PLXNA4: variants seen among roughly 807,000 people sequenced by gnomAD.
PLXNA4 encodes plexin-A4.
PLXNA4 carries 44 observed loss-of-function variants against 191.8 expected under a neutral mutation model. That is an observed-to-expected ratio of 0.23 (90% CI 0.18 to 0.29). The LOEUF is 0.29. Among genes scored for constraint, PLXNA4 ranks in the 10% least tolerant of loss-of-function variants. PLXNA4 has a pLI of 1.00. For synonymous variants in PLXNA4, 1,082 were observed against 1,009.5 expected, an observed-to-expected ratio of 1.07 and a Z score of -1.36; for missense variants, 1,800 against 2,488.8, an observed-to-expected ratio of 0.72 and a Z score of 5.89.
chr7:132,636,653 G>A (rs1028843346), intron 2 of PLXNA4, among the ~76,000 whole-genome samples: 11 of 152,134 alleles, frequency 7.2e-5, no homozygotes, highest in Non-Finnish European at 1.5e-4. Flanking sequence ...CCAGATTCAC[G>A]TAAAGCCTTG....
intron 3 of PLXNA4, among the ~76,000 whole-genome samples, chr7:132,312,815 G>C (rs776763680): frequency 2.0e-5 from 3 of 152,170 alleles, no homozygotes; most frequent in Non-Finnish European, 4.4e-5. Flanking sequence ...TGAGTTAGTA[G>C]ATGAAAAGCA....
intron 5 of PLXNA4, among the ~76,000 whole-genome samples, chr7:132,235,960 A>G (rs1034149979): frequency 1.1e-4 from 16 of 152,164 alleles, no homozygotes; most frequent in Admixed American, 9.2e-4. Context: ...CCACCTCAAT[A>G]CTTAGCATTG....
chr7:132,323,627 A>G (rs930462677), intron 3 of PLXNA4, among the ~76,000 whole-genome samples: 8 of 151,496 alleles, frequency 5.3e-5, no homozygotes, highest in Non-Finnish European at 1.0e-4. Context: ...TTCTGACACG[A>G]CTCTCCCAGG....
At chr7:132,203,186 A>G in intron 11 of PLXNA4, 137 bp downstream of exon 11, 3 of 750,972 alleles carry the variant, frequency 4.0e-6, no homozygotes, top group South Asian at 1.7e-5. Flanking sequence ...GAGGCTGTGA[A>G]GGAGGGGCTC....
At chr7:132,581,443 A>C (rs1194637573), upstream of PLXNA4, among the ~76,000 whole-genome samples, 1 of 152,134 alleles carries the variant, frequency 6.6e-6, no homozygotes, top group Admixed American at 6.5e-5. Context: ...CACCACTGAA[A>C]AACCCCTCCC....
intron 22 of PLXNA4, among the ~76,000 whole-genome samples, chr7:132,165,553 T>C (rs1796098235): frequency 6.6e-6 from 1 of 152,208 alleles, no homozygotes; most frequent in African/African-American, 2.4e-5. Flanking sequence ...CGGCCACACA[T>C]AGCTACTGAG....
chr7:132,393,269 A>G (rs1793596096), intron 3 of PLXNA4, among the ~76,000 whole-genome samples: 1 of 121,190 alleles, frequency 8.3e-6, no homozygotes, highest in South Asian at 2.8e-4. Context: ...CTAGGCTCCT[A>G]CAGAGGGTGA....
intron 3 of PLXNA4, among the ~76,000 whole-genome samples, chr7:132,371,093 G>C (rs111696935): frequency 2.4e-3 from 360 of 152,280 alleles, no homozygotes; most frequent in African/African-American, 7.8e-3. Flanking sequence ...CCAGGTTAGG[G>C]CTGGTCTGCA....
At chr7:132,380,338 T>C (rs1157342779) in intron 3 of PLXNA4, among the ~76,000 whole-genome samples, 2 of 152,008 alleles carry the variant, frequency 1.3e-5, no homozygotes, top group Admixed American at 6.5e-5. Flanking sequence ...CCAACACTTC[T>C]CCCCCAGGGA....
intron 3 of PLXNA4, among the ~76,000 whole-genome samples, chr7:132,378,240 AG>A (rs1482963571): frequency 1.3e-5 from 2 of 152,148 alleles, no homozygotes; most frequent in Non-Finnish European, 2.9e-5. Context: ...TGTGGGCCAG[AG>A]GTCTAGTGTT....
At chr7:132,581,539 T>C (rs1194372528), upstream of PLXNA4, among the ~76,000 whole-genome samples, 1 of 152,214 alleles carries the variant, frequency 6.6e-6, no homozygotes, top group African/African-American at 2.4e-5. Flanking sequence ...AAGTACCCTC[T>C]TGGAAATCCA....
At chr7:132,185,588 A>C in intron 15 of PLXNA4, 125 bp from the exon 16 acceptor site, 1 of 1,373,950 alleles carries the variant, frequency 7.3e-7, no homozygotes, top group Non-Finnish European at 9.6e-7. Flanking sequence ...GGGTGCTCTC[A>C]GACAGAAAAC....
chr7:132,435,724 G>A (rs1358267863), intron 3 of PLXNA4, among the ~76,000 whole-genome samples: 1 of 152,200 alleles, frequency 6.6e-6, no homozygotes, highest in East Asian at 1.9e-4. Context: ...ATGACAGGCT[G>A]TAGCCAGCGT....
At chr7:132,541,600 C>T (rs1296530469) in intron 1 of PLXNA4, among the ~76,000 whole-genome samples, 1 of 152,244 alleles carries the variant, frequency 6.6e-6, no homozygotes, top group Non-Finnish European at 1.5e-5. Flanking sequence ...CATATAATGG[C>T]TTCTGGTTAT....
chr7:132,354,426 T>C (rs1020632767), intron 3 of PLXNA4, among the ~76,000 whole-genome samples: 2 of 152,226 alleles, frequency 1.3e-5, no homozygotes, highest in Non-Finnish European at 2.9e-5. Context: ...ACAGTTCTTC[T>C]TTCCCCATCA....
intron 1 of PLXNA4, among the ~76,000 whole-genome samples, chr7:132,539,852 T>C (rs915447487): frequency 6.6e-6 from 1 of 152,218 alleles, no homozygotes; most frequent in African/African-American, 2.4e-5. Flanking sequence ...TAGAGAGTTT[T>C]TGAAAGGAAT....
At chr7:132,640,794 G>A (rs946264745) in intron 2 of PLXNA4, among the ~76,000 whole-genome samples, 9 of 151,252 alleles carry the variant, frequency 6.0e-5, no homozygotes, top group African/African-American at 2.2e-4. Context: ...AAAAGGGGGG[G>A]GCCCTGCCAA....
intron 7 of PLXNA4, 107 bp from the exon 8 acceptor site, chr7:132,226,367 G>T: frequency 2.1e-6 from 2 of 946,692 alleles, no homozygotes; most frequent in Non-Finnish European, 3.2e-6. Flanking sequence ...CCAGGCGGCT[G>T]TTGGCTTAAC....
upstream of PLXNA4, among the ~76,000 whole-genome samples, chr7:132,579,326 G>A (rs576647392): frequency 8.6e-4 from 131 of 152,166 alleles, no homozygotes; most frequent in Middle Eastern, 0.014. Flanking sequence ...GAAAGGAAGG[G>A]GGGAAGGTGA....
Sources: gnomAD v4.1 joint callset for allele counts (sites outside exome capture counted in the v4.1 genomes callset) on GRCh38, gnomAD v4.1.1 for gene constraint, MANE v1.5 for transcripts, NCBI Gene and HGNC (gene_info 2026-07-23, HGNC 2026-07-21) for gene names.